The following NECAB1 variants were observed in gnomAD, a reference collection of about 807,000 sequenced individuals.
NECAB1 encodes the protein N-terminal EF-hand calcium binding protein 1, also known as N-terminal EF-hand calcium-binding protein 1.
NECAB1 carries 29 observed loss-of-function variants against 57.5 expected under a neutral mutation model. The observed-to-expected ratio is 0.50, with a 90% CI of 0.38 to 0.69. NECAB1 has a LOEUF of 0.69. Among genes scored for constraint, NECAB1 ranks in the 30% least tolerant of loss-of-function variants. The probability of loss-of-function intolerance (pLI) is 0.00; values close to 1 mark genes in which losing one functional copy is unlikely to be tolerated. For synonymous variants in NECAB1, 142 were observed against 147.7 expected (o/e 0.96, Z 0.28); for missense variants, 372 against 413.8 (o/e 0.90, Z 0.88).
intron 3 of NECAB1, 123 bp from the exon 4 acceptor site, chr8:90,872,005 C>T (rs2129846534): frequency 1.4e-6 from 1 of 710,946 alleles, no homozygotes; most frequent in East Asian, 2.9e-5. Flanking sequence ...AAGAGAAATA[C>T]CTTAACTACA....
rs917523450 is a variant in NECAB1 at position 90,941,011 on chromosome 8, C to T, written c.860+113C>T. ...TAGAAGACAGATATTTGAGAATCCT[C>T]ACATTAAATTATACAGAGCATTCCA... On this transcript the variant is annotated intron_variant, in intron 10 of 12. Coordinates refer to ENST00000417640, the MANE Select transcript of NECAB1 (RefSeq NM_022351.5). The T allele has an allele frequency of 5.2e-6, 4 of 768,728 alleles. No homozygotes were observed. In the African/African-American group the frequency reaches 6.9e-5, roughly 13 times the overall value. 47.6% of individuals were successfully genotyped at this position (768,728 alleles called of 1,614,324 possible).
rs968650996 is a variant in NECAB1, at chr8:90,848,985, C to T, written c.234-23143C>T. Among the ~76,000 whole-genome samples, 15 of 152,258 alleles carry T rather than the reference C, an allele frequency of 9.9e-5. No individual in the cohort carries two copies. The East Asian group carries it at 2.1e-3, about 22-fold the overall frequency. ...AATAAGATCATCAGATCTCATGAGA[C>T]GTATTCACTACCACAAGAACAGCAC... is the stretch of plus-strand genomic sequence containing the variant. On this transcript the variant is annotated intron_variant, in intron 3 of 12. Coordinates refer to ENST00000417640, the MANE Select transcript of NECAB1 (RefSeq NM_022351.5).
rs751000976 is a variant in NECAB1 at position 90,886,047 on chromosome 8, AG to A, written c.357+4919del. Among the ~76,000 whole-genome samples, 187 of 152,356 alleles carry A rather than the reference AG, an allele frequency of 1.2e-3. 2 individuals carry two copies. The highest frequency in any genetic ancestry group is 2.1e-3 in the Non-Finnish European group (141 of 68,036). ...GATGAAGGTGCATAAGCAAAGTTCTAGGCAAGGAAGTTCATATTTTTTATCA... is the reference window on the plus strand; with the variant it reads ...GATGAAGGTGCATAAGCAAAGTTCTAGCAAGGAAGTTCATATTTTTTATCA... On this transcript the variant is annotated intron_variant, in intron 5 of 12. Coordinates refer to ENST00000417640, the MANE Select transcript of NECAB1 (RefSeq NM_022351.5).
Position 90,875,844 on chromosome 8 carries a change from CAA to C in NECAB1, c.259+3707_259+3708del, listed in dbSNP as rs5893141. ...TGAAACCCCATCTCTACTAAAAATACAAAAAAAAAAAAAAAAATTACCGGGCG... is the reference window on the plus strand; with the variant it reads ...TGAAACCCCATCTCTACTAAAAATACAAAAAAAAAAAAAAATTACCGGGCG... On this transcript the variant is annotated intron_variant, in intron 4 of 12. Coordinates refer to ENST00000417640, the MANE Select transcript of NECAB1 (RefSeq NM_022351.5). Among the ~76,000 whole-genome samples, 149 of 88,390 alleles carry C rather than the reference CAA, an allele frequency of 1.7e-3. 2 individuals are homozygous for C. The highest frequency in any genetic ancestry group is 6.6e-3 in the African/African-American group (143 of 21,826). 58.0% of individuals were successfully genotyped at this position (88,390 alleles called of 152,430 possible).
chr8:90,921,030 G>T (rs1563534816), intron 6 of NECAB1, among the ~76,000 whole-genome samples: 1 of 152,068 alleles, frequency 6.6e-6, no homozygotes, highest in Non-Finnish European at 1.5e-5. Flanking sequence ...TTGTTTGTTT[G>T]TTTTGAGACA....
chr8:90,826,899 C>T (rs1812234524), intron 3 of NECAB1, among the ~76,000 whole-genome samples: 1 of 151,712 alleles, frequency 6.6e-6, no homozygotes, highest in Non-Finnish European at 1.5e-5. Flanking sequence ...TTATTACTAC[C>T]AGTTTCTCTC....
chr8:90,875,458 G>A (rs1265595945), intron 4 of NECAB1, among the ~76,000 whole-genome samples: 4 of 134,014 alleles, frequency 3.0e-5, no homozygotes, highest in Non-Finnish European at 3.1e-5. Context: ...TCCGCAGTCC[G>A]GCCTGGGCGA....
chr8:90,957,994 T>C lies in NECAB1; in HGVS notation c.*2482T>C, dbSNP rs1313754197. The C allele has an allele frequency of 2.6e-5, 4 of 151,150 alleles. No individual in the cohort carries two copies. The highest frequency in any genetic ancestry group is 1.3e-4 in the Admixed American group (2 of 15,134). 9.4% of individuals were successfully genotyped at this position (151,150 alleles called of 1,614,324 possible). A position where few individuals can be genotyped will look rare whatever the true frequency, so the allele number is the denominator to read the frequency against. On this transcript the variant is annotated 3_prime_UTR_variant, in exon 13 of 13. Coordinates refer to ENST00000417640, the MANE Select transcript of NECAB1 (RefSeq NM_022351.5). ...TTCAAAATTCAGTGAAACAAACTTT[T>C]TGCCAATAGACCTAGGGATCTAAGA...
chr8:90,847,767 CTGTA>C (rs1474792304), intron 3 of NECAB1, among the ~76,000 whole-genome samples: 4 of 152,246 alleles, frequency 2.6e-5, no homozygotes, highest in Admixed American at 2.6e-4. Flanking sequence ...ATGGCATGAA[CTGTA>C]TCTTGGCCCC....
chr8:90,815,909 T>A (rs912017362), intron 2 of NECAB1, among the ~76,000 whole-genome samples: 6 of 151,848 alleles, frequency 4.0e-5, no homozygotes, highest in African/African-American at 1.4e-4. Context: ...GTGGAAAAAA[T>A]TTTCAAATGT....
At chr8:90,842,152 T>C (rs537238478) in intron 3 of NECAB1, among the ~76,000 whole-genome samples, 1 of 152,210 alleles carries the variant, frequency 6.6e-6, no homozygotes, top group Admixed American at 6.5e-5. Context: ...TTTACATATA[T>C]AACAAACCTG....
intron 2 of NECAB1, among the ~76,000 whole-genome samples, chr8:90,815,968 G>T (rs1812055331): frequency 6.6e-6 from 1 of 151,914 alleles, no homozygotes; most frequent in African/African-American, 2.4e-5. Flanking sequence ...GTACCAAAAT[G>T]TCTTCCAAAG....
At chr8:90,808,893 C>T (rs1214965494) in intron 2 of NECAB1, among the ~76,000 whole-genome samples, 1 of 152,072 alleles carries the variant, frequency 6.6e-6, no homozygotes, top group Non-Finnish European at 1.5e-5. Flanking sequence ...GATCTGCCCA[C>T]CTCAGCCTCC....
chr8:90,851,964 A>C (rs1812691647), intron 3 of NECAB1, among the ~76,000 whole-genome samples: 2 of 151,558 alleles, frequency 1.3e-5, no homozygotes, highest in Non-Finnish European at 1.5e-5. Context: ...TTTTGTTTTT[A>C]AGTGTTTCTT....
chr8:90,935,005 G>C (rs1374627037), intron 9 of NECAB1, among the ~76,000 whole-genome samples: 1 of 152,146 alleles, frequency 6.6e-6, no homozygotes, highest in Non-Finnish European at 1.5e-5. Context: ...AACATGCATA[G>C]TACATTTTGT....
intron 2 of NECAB1, among the ~76,000 whole-genome samples, chr8:90,807,356 G>A (rs966465532): frequency 4.6e-5 from 7 of 152,196 alleles, no homozygotes; most frequent in Admixed American, 3.3e-4. Context: ...GTCACCTAAA[G>A]TTTGGTTTAT....
At chr8:90,801,803 C>A in intron 2 of NECAB1, 88 bp downstream of exon 2, 1 of 914,796 alleles carries the variant, frequency 1.1e-6, no homozygotes, top group Non-Finnish European at 1.6e-6. Context: ...AGGGGACAGT[C>A]CGGGAAAATT....
In NECAB1 at chr8:90,958,577, C is replaced by G. The variant is rs1037264397; in HGVS notation, c.*3065C>G. 1.8e-5 allele frequency: 3 copies of G among 165,584 alleles called. No homozygotes were observed. Among genetic ancestry groups the G allele is most frequent in the Non-Finnish European group, 3.9e-5 (3 of 77,712 alleles). The allele number at this position is 165,584 out of a possible 1,614,324, so 10.3% of individuals were successfully genotyped here. A position where few individuals can be genotyped will look rare whatever the true frequency, so the allele number is the denominator to read the frequency against. ...ATCCATTCATGAGCTGGTATGAAAT[C>G]AGTGGGAAGCAGAACAACAGAAGGA... On this transcript the variant is annotated 3_prime_UTR_variant, in exon 13 of 13. Transcript: ENST00000417640.
intron 8 of NECAB1, among the ~76,000 whole-genome samples, chr8:90,932,307 A>G (rs1211421209): frequency 1.3e-5 from 2 of 152,202 alleles, no homozygotes. Flanking sequence ...TCAGCCATTC[A>G]TTTATTCTAC....
Sources: gnomAD v4.1 joint callset for allele counts (sites outside exome capture counted in the v4.1 genomes callset) on GRCh38, gnomAD v4.1.1 for gene constraint, MANE v1.5 for transcripts, NCBI Gene and HGNC (gene_info 2026-07-23, HGNC 2026-07-21) for gene names.